The following NSUN3 variants were observed in gnomAD, a reference collection of about 807,000 sequenced individuals.
NSUN3 encodes NOP2/Sun RNA methyltransferase 3.
Under a neutral mutation model 36.8 loss-of-function variants are expected in NSUN3, and 24 were observed. The ratio of observed to expected loss-of-function variants is 0.65; its 90% CI spans 0.47 to 0.92. NSUN3 has a LOEUF of 0.92. Ranked by LOEUF, NSUN3 falls within the 40% of genes least tolerant of loss-of-function variation. The probability of loss-of-function intolerance (pLI) is 0.00; values close to 1 mark genes in which losing one functional copy is unlikely to be tolerated. For synonymous variants in NSUN3, 146 were observed against 145.2 expected (o/e 1.01, Z -0.04); for missense variants, 381 against 392.8 (o/e 0.97, Z 0.25).
intron 2 of NSUN3, among the ~76,000 whole-genome samples, chr3:94,077,729 G>A (rs191266232): frequency 2.5e-4 from 38 of 152,286 alleles, no homozygotes; most frequent in African/African-American, 9.1e-4. Context: ...TTTGCATAGA[G>A]GTGTTTATAG....
At position 94,126,584 on chromosome 3, in the gene NSUN3, T is replaced by A; in HGVS notation, c.*94T>A. 9.0e-7 allele frequency: 1 copy of A among 1,115,262 alleles called. No homozygotes were observed. Among genetic ancestry groups the A allele is most frequent in the Non-Finnish European group, 1.3e-6 (1 of 788,146 alleles). The allele number at this position is 1,115,262 out of a possible 1,614,324, so 69.1% of individuals were successfully genotyped here. A position where few individuals can be genotyped will look rare whatever the true frequency, so the allele number is the denominator to read the frequency against. Reference sequence around the variant, plus strand: ...TAAATAATTATGCAGTAACTTTCTCTGGGTCTGTTTGGAATCCTATTTAGT... The same window carrying A: ...TAAATAATTATGCAGTAACTTTCTCAGGGTCTGTTTGGAATCCTATTTAGT... On this transcript the variant is annotated 3_prime_UTR_variant, in exon 6 of 6. Transcript: ENST00000314622.
intron 3 of NSUN3, among the ~76,000 whole-genome samples, chr3:94,092,585 C>G (rs1460130775): frequency 2.6e-5 from 4 of 151,940 alleles, no homozygotes; most frequent in Non-Finnish European, 5.9e-5. Context: ...TTGATGCCAT[C>G]TCCTGAGTGT....
At chr3:94,096,356 G>A (rs2077339554) in intron 5 of NSUN3, among the ~76,000 whole-genome samples, 1 of 152,080 alleles carries the variant, frequency 6.6e-6, no homozygotes, top group Non-Finnish European at 1.5e-5. Context: ...CACCTTTCAT[G>A]TAACACTAAG....
At chr3:94,100,976 T>A (rs73156393) in intron 5 of NSUN3, among the ~76,000 whole-genome samples, 1 of 152,178 alleles carries the variant, frequency 6.6e-6, no homozygotes, top group Non-Finnish European at 1.5e-5. Context: ...ATGTTAATTT[T>A]TTTTTTATTT....
At chr3:94,124,273 G>A (rs1278838961) in intron 5 of NSUN3, among the ~76,000 whole-genome samples, 1 of 145,638 alleles carries the variant, frequency 6.9e-6, no homozygotes, top group Non-Finnish European at 1.5e-5. Flanking sequence ...CTACCTCATC[G>A]TCCCAAGTAG....
chr3:94,108,186 C>T (rs2077398957), intron 5 of NSUN3, among the ~76,000 whole-genome samples: 1 of 151,956 alleles, frequency 6.6e-6, no homozygotes, highest in Admixed American at 6.6e-5. Flanking sequence ...AACTGTTTTA[C>T]ATTTCACCAC....
rs563904820 is a variant in NSUN3 at position 94,111,163 on chromosome 3, C to A, written c.744-15048C>A. Among the ~76,000 whole-genome samples, 8 of 152,132 alleles carry A rather than the reference C, an allele frequency of 5.3e-5. No homozygotes were observed. The East Asian group carries it at 1.4e-3, about 26-fold the overall frequency. Reference sequence around the variant, plus strand: ...TTGTAACACAGTGGTATTTGTGTATCTAAACATACCAAAATGGAAAAGGTA... The same window carrying A: ...TTGTAACACAGTGGTATTTGTGTATATAAACATACCAAAATGGAAAAGGTA... On this transcript the variant is annotated intron_variant, in intron 5 of 5. Coordinates refer to ENST00000314622, the MANE Select transcript of NSUN3 (RefSeq NM_022072.5).
At chr3:94,104,748 G>C (rs2077378881) in intron 5 of NSUN3, among the ~76,000 whole-genome samples, 1 of 152,134 alleles carries the variant, frequency 6.6e-6, no homozygotes, top group Non-Finnish European at 1.5e-5. Context: ...ATAGAGGGTA[G>C]ACACAAGAGA....
intron 2 of NSUN3, among the ~76,000 whole-genome samples, chr3:94,079,021 G>A (rs2077257593): frequency 6.6e-6 from 1 of 152,284 alleles, no homozygotes; most frequent in African/African-American, 2.4e-5. Flanking sequence ...TCTTCATAGT[G>A]TCGATGGTCT....
intron 2 of NSUN3, among the ~76,000 whole-genome samples, chr3:94,077,807 C>A (rs904616317): frequency 1.3e-5 from 2 of 151,910 alleles, no homozygotes; most frequent in African/African-American, 4.8e-5. Flanking sequence ...TTTTTTATTG[C>A]GTCTATTTGA....
chr3:94,107,974 C>T (rs1022188677), intron 5 of NSUN3, among the ~76,000 whole-genome samples: 158 of 114,354 alleles, frequency 1.4e-3, no homozygotes, highest in Admixed American at 1.7e-3. Context: ...TTTTTTTTTC[C>T]TTTTTTTTTT....
At chr3:94,110,069 T>G (rs1301802789) in intron 5 of NSUN3, among the ~76,000 whole-genome samples, 1 of 152,200 alleles carries the variant, frequency 6.6e-6, no homozygotes, top group Non-Finnish European at 1.5e-5. Context: ...AAAAGTTTGC[T>G]CCTTTTTATT....
chr3:94,079,994 G>A (rs2107243548), intron 2 of NSUN3, among the ~76,000 whole-genome samples: 1 of 152,128 alleles, frequency 6.6e-6, no homozygotes, highest in South Asian at 2.1e-4. Flanking sequence ...GTGATCCTTT[G>A]GAGGAGAAGA....
intron 5 of NSUN3, among the ~76,000 whole-genome samples, chr3:94,114,605 A>AT (rs964548202): frequency 2.0e-5 from 3 of 152,076 alleles, no homozygotes; most frequent in Non-Finnish European, 4.4e-5. Context: ...TTGTTTACTT[A>AT]TTTTTTTAAA....
At chr3:94,066,822 C>G (rs2077205858) in intron 2 of NSUN3, among the ~76,000 whole-genome samples, 1 of 152,128 alleles carries the variant, frequency 6.6e-6, no homozygotes, top group Non-Finnish European at 1.5e-5. Flanking sequence ...CCTTTGCTAC[C>G]TGCATATTTT....
At chr3:94,085,652 G>A (rs1245133668) in intron 3 of NSUN3, among the ~76,000 whole-genome samples, 5 of 152,082 alleles carry the variant, frequency 3.3e-5, no homozygotes, top group South Asian at 2.1e-4. Flanking sequence ...CCAGCTACTC[G>A]GGAGGCTAAG....
chr3:94,089,969 C>T (rs547995704), intron 3 of NSUN3, among the ~76,000 whole-genome samples: 52 of 152,090 alleles, frequency 3.4e-4, no homozygotes, highest in Non-Finnish European at 6.6e-4. Flanking sequence ...ATCATTATTC[C>T]AATTATAATA....
At chr3:94,085,946 C>CTTTTT (rs1249632543) in intron 3 of NSUN3, among the ~76,000 whole-genome samples, 1 of 137,996 alleles carries the variant, frequency 7.2e-6, no homozygotes. Context: ...GCAGTGTTGC[C>CTTTTT]TTTTTTTTTT....
intron 1 of NSUN3, among the ~76,000 whole-genome samples, chr3:94,063,564 A>G (rs1371593289): frequency 6.6e-6 from 1 of 152,182 alleles, no homozygotes; most frequent in African/African-American, 2.4e-5. Context: ...CAAAGATAGT[A>G]CAGAGTTCTC....
Sources: allele counts gnomAD v4.1 joint callset (sites outside exome capture counted in the v4.1 genomes callset), GRCh38; gene constraint gnomAD v4.1.1; transcripts MANE v1.5; gene names NCBI Gene and HGNC (gene_info 2026-07-23, HGNC 2026-07-21).